Variants in PLB1 observed in about 807,000 individuals in gnomAD.
The protein encoded by PLB1 is phospholipase B1.
Under a neutral mutation model 227.4 loss-of-function variants are expected in PLB1, and 242 were observed. The observed-to-expected ratio is 1.06, with a 90% confidence interval of 0.96 to 1.18. The LOEUF (loss-of-function observed/expected upper bound fraction) is 1.18, where lower values mean the gene tolerates loss of function less well. PLB1 is among the 50% of genes most tolerant of loss of function. The pLI, the probability that PLB1 is intolerant of heterozygous loss-of-function variation, is 0.00. For synonymous variants in PLB1, 757 were observed against 682.2 expected (o/e 1.11, Z -1.71); for missense variants, 1,858 against 1,816.3 (o/e 1.02, Z -0.42).
intron 20 of PLB1, among the ~76,000 whole-genome samples, chr2:28,567,687 T>G (rs1231622766): frequency 6.6e-6 from 1 of 152,102 alleles, no homozygotes; most frequent in African/African-American, 2.4e-5. Context: ...TTGGCCAGGA[T>G]GGTCTCGATT....
intron 20 of PLB1, 54 bp downstream of exon 20, chr2:28,566,893 T>G: frequency 1.2e-6 from 2 of 1,601,152 alleles, no homozygotes; most frequent in African/African-American, 2.7e-5. Flanking sequence ...CCTGCACGCT[T>G]CCCGCTCCCC....
chr2:28,596,897 A>T (rs1459411308), intron 33 of PLB1, among the ~76,000 whole-genome samples: 1 of 152,270 alleles, frequency 6.6e-6, no homozygotes, highest in East Asian at 1.9e-4. Context: ...TGAATGAAGA[A>T]CAACTATGAC....
At chr2:28,541,863 T>TACA (rs1672541797) in intron 13 of PLB1, 52 bp downstream of exon 13, 3 of 1,434,750 alleles carry the variant, frequency 2.1e-6, no homozygotes, top group Non-Finnish European at 2.0e-6. Flanking sequence ...CCGGGCATGG[T>TACA]GGCTCACTCC....
Position 28,561,385 on chromosome 2 carries a change from A to G in PLB1, c.1148-1656A>G, listed in dbSNP as rs549748584. Among the ~76,000 whole-genome samples the G allele has an allele frequency of 1.7e-4, 26 of 152,360 alleles. 1 individual carries two copies. The South Asian group carries it at 5.4e-3, about 32-fold the overall frequency. On this transcript the variant is annotated intron_variant, in intron 17 of 57. Coordinates refer to ENST00000327757, the MANE Select transcript of PLB1 (RefSeq NM_153021.5). ...TTGATGCTTCCTCAAAAAGATAAGC[A>G]TAGGATTACCATATAATCCACCAAT... is the stretch of plus-strand genomic sequence containing the variant.
chr2:28,541,020 A>T (rs1426599991), intron 12 of PLB1, among the ~76,000 whole-genome samples: 5 of 152,078 alleles, frequency 3.3e-5, no homozygotes, highest in Admixed American at 3.3e-4. Context: ...AAAATACAAA[A>T]ATTAGCTAGG....
chr2:28,606,472 G>A, intron 42 of PLB1, 24 bp from the exon 43 acceptor site: 1 of 1,607,430 alleles, frequency 6.2e-7, no homozygotes, highest in Non-Finnish European at 8.5e-7. Context: ...CTACACCCGT[G>A]TCTCTCTTTT....
rs7355704 is a variant in PLB1, at chr2:28,593,169, A to G, written c.2247+450A>G. On this transcript the variant is annotated intron_variant, in intron 32 of 57. Coordinates refer to ENST00000327757, the MANE Select transcript of PLB1 (RefSeq NM_153021.5). ...CTCCTAACTTCCAAGAAATGGGGCT[A>G]TTTTACTATCCCAGATCATCACTTT... 6.7e-4 allele frequency among the ~76,000 whole-genome samples: 102 copies of G among 151,982 alleles called. 1 individual carries two copies. Among genetic ancestry groups the G allele is most frequent in the African/African-American group, 2.3e-3 (96 of 41,402 alleles).
At chr2:28,502,416 A>G (rs1220163997) in intron 1 of PLB1, among the ~76,000 whole-genome samples, 1 of 152,114 alleles carries the variant, frequency 6.6e-6, no homozygotes, top group East Asian at 1.9e-4. Flanking sequence ...TTGAGTTTTA[A>G]TTCATCAGAA....
intron 15 of PLB1, among the ~76,000 whole-genome samples, chr2:28,549,291 C>T (rs1673807439): frequency 6.6e-6 from 1 of 151,956 alleles, no homozygotes; most frequent in South Asian, 2.1e-4. Flanking sequence ...ATCTAAGTAC[C>T]TGAAAAGTGG....
At chr2:28,548,338 G>C (rs761043824) in intron 14 of PLB1, among the ~76,000 whole-genome samples, 16 of 152,172 alleles carry the variant, frequency 1.1e-4, no homozygotes, top group Non-Finnish European at 2.4e-4. Flanking sequence ...TCCCATACTG[G>C]CTCTCCTGTC....
intron 56 of PLB1, among the ~76,000 whole-genome samples, chr2:28,634,938 T>C (rs12233095): frequency 0.24 from 36,544 of 151,948 alleles, 4,685 homozygotes; most frequent in East Asian, 0.33. Context: ...AAAAAATATA[T>C]GTAGCTCTGG....
Position 28,550,102 on chromosome 2 carries a change from G to A in PLB1, c.1083+18G>A, listed in dbSNP as rs1176698315. On this transcript the variant is annotated intron_variant, in intron 16 of 57. Transcript: ENST00000327757. ...AGCTTGAGGTAAGGAAAGGTTTTCT[G>A]TAATTGACAAACATGCAGATGAACC... The A allele has an allele frequency of 1.9e-6, 3 of 1,583,854 alleles. No individual in the cohort carries two copies. Among genetic ancestry groups the A allele is most frequent in the Non-Finnish European group, 1.7e-6 (2 of 1,155,664 alleles).
At chr2:28,531,610 C>A (rs1308022009) in intron 8 of PLB1, among the ~76,000 whole-genome samples, 1 of 152,222 alleles carries the variant, frequency 6.6e-6, no homozygotes, top group Admixed American at 6.5e-5. Flanking sequence ...TGCACCCAGC[C>A]AGAGATACTT....
intron 5 of PLB1, 70 bp from the exon 6 acceptor site, chr2:28,525,835 C>T (rs993321068): frequency 6.3e-7 from 1 of 1,577,732 alleles, no homozygotes. Context: ...TAGACCACAG[C>T]CAAGGGGAAG....
chr2:28,615,387 G>A (rs566160235), intron 44 of PLB1, among the ~76,000 whole-genome samples: 10 of 152,226 alleles, frequency 6.6e-5, no homozygotes, highest in Non-Finnish European at 1.5e-4. Context: ...TCTGGTTCAC[G>A]TCTTTCAAAG....
chr2:28,589,406 T>G, intron 26 of PLB1, 44 bp from the exon 27 acceptor site: 2 of 1,452,720 alleles, frequency 1.4e-6, no homozygotes, highest in Middle Eastern at 1.7e-4. Context: ...ACCGAGCAGA[T>G]GCAGAGAGGA....
At chr2:28,642,629 T>A (rs1690098177) in intron 57 of PLB1, among the ~76,000 whole-genome samples, 1 of 152,152 alleles carries the variant, frequency 6.6e-6, no homozygotes, top group South Asian at 2.1e-4. Context: ...AAGGAAACGC[T>A]GGTGAGAAAC....
At chr2:28,565,654 A>AGT (rs1676764933) in intron 19 of PLB1, among the ~76,000 whole-genome samples, 1 of 152,208 alleles carries the variant, frequency 6.6e-6, no homozygotes, top group Admixed American at 6.5e-5. Context: ...AGAAGGAGGC[A>AGT]GTGGCCTGAG....
intron 56 of PLB1, among the ~76,000 whole-genome samples, chr2:28,637,591 A>C (rs1689518826): frequency 6.6e-6 from 1 of 152,206 alleles, no homozygotes; most frequent in Non-Finnish European, 1.5e-5. Context: ...ATAGCACAGC[A>C]CACTAGGCCT....
Sources: gnomAD v4.1 joint callset for allele counts (sites outside exome capture counted in the v4.1 genomes callset) on GRCh38, gnomAD v4.1.1 for gene constraint, MANE v1.5 for transcripts, NCBI Gene and HGNC (gene_info 2026-07-23, HGNC 2026-07-21) for gene names.